The following EPM2A variants were observed in gnomAD, a reference collection of about 807,000 sequenced individuals.
The protein encoded by EPM2A is laforin.
A neutral mutation model predicts 26.5 loss-of-function variants in EPM2A; 21 were observed. The observed-to-expected ratio is 0.79, with a 90% CI of 0.56 to 1.14. The LOEUF (loss-of-function observed/expected upper bound fraction) is 1.14. EPM2A is among the 50% of genes most tolerant of loss of function. The pLI is 0.00. For missense variants in EPM2A, 458 were observed against 440.8 expected, an observed-to-expected ratio of 1.04 and a Z score of -0.35; for synonymous variants, 217 against 177.6, an observed-to-expected ratio of 1.22 and a Z score of -1.76.
intron 2 of EPM2A, chr6:145,637,224 T>TGAATATAATTA (rs1177537404): frequency 3.9e-5 from 6 of 152,214 alleles, no homozygotes; most frequent in Non-Finnish European, 8.8e-5. Flanking sequence ...TTCTTCATTG[T>TGAATATAATTA]TTCCTATATT....
intron 3 of EPM2A, among the ~76,000 whole-genome samples, chr6:145,632,606 C>G (rs1409278706): frequency 7.9e-5 from 12 of 152,174 alleles, no homozygotes; most frequent in Non-Finnish European, 1.8e-4. Flanking sequence ...ATCGATCACA[C>G]GATTGATTAT....
intron 2 of EPM2A, among the ~76,000 whole-genome samples, chr6:145,567,024 T>C (rs1214375471): frequency 6.6e-6 from 1 of 152,214 alleles, no homozygotes; most frequent in African/African-American, 2.4e-5. Flanking sequence ...CCGTCATTTA[T>C]GAGTTAACAC....
intron 4 of EPM2A, among the ~76,000 whole-genome samples, chr6:145,428,843 C>A (rs1778885974): frequency 2.0e-5 from 3 of 152,238 alleles, no homozygotes. Context: ...GAGGCAGACA[C>A]TGTATTTTCT....
At chr6:145,727,981 T>G (rs1272563419) in intron 1 of EPM2A, among the ~76,000 whole-genome samples, 1 of 152,106 alleles carries the variant, frequency 6.6e-6, no homozygotes, top group East Asian at 1.9e-4. Flanking sequence ...TCTCATGAGA[T>G]CTGGTTGTTT....
intron 2 of EPM2A, among the ~76,000 whole-genome samples, chr6:145,597,714 A>G (rs780583298): frequency 3.4e-5 from 5 of 149,168 alleles, no homozygotes; most frequent in Non-Finnish European, 7.5e-5. Flanking sequence ...TACTTTTTCC[A>G]CTCCTCTCTT....
intron 1 of EPM2A, among the ~76,000 whole-genome samples, chr6:145,703,883 C>A (rs1782069924): frequency 6.6e-6 from 1 of 152,164 alleles, no homozygotes; most frequent in Non-Finnish European, 1.5e-5. Flanking sequence ...TCATAAACAT[C>A]AAGGATTTCA....
chr6:145,441,261 G>T (rs945592904), intron 4 of EPM2A, among the ~76,000 whole-genome samples: 1 of 152,152 alleles, frequency 6.6e-6, no homozygotes, highest in African/African-American at 2.4e-5. Flanking sequence ...TTTAGTCATG[G>T]CTACAGCAGC....
chr6:145,611,766 T>C (rs1441469854), intron 2 of EPM2A, among the ~76,000 whole-genome samples: 3 of 152,128 alleles, frequency 2.0e-5, no homozygotes, highest in Non-Finnish European at 4.4e-5. Context: ...CAACAGAATA[T>C]AGGAAGAAGA....
Position 145,686,230 on chromosome 6 carries a change from C to T in EPM2A, c.368G>A (p.Cys123Tyr). ...CTCAATCCAGTGTCCTATTGGGAGA[C>T]AATACACACCATCCACCAAGTTGTT... ...NENNLVDGVY[C>Y]LPIGHWIEAT... Residue 123 changes from cysteine to tyrosine, a missense_variant, in exon 2 of 4, where the codon TGT (cysteine) becomes TAT (tyrosine). Cys to Tyr is a radical substitution (Grantham distance 194). Coordinates refer to ENST00000367519, the MANE Select transcript of EPM2A (RefSeq NM_005670.4). 1 of 1,613,700 alleles carries T rather than the reference C, an allele frequency of 6.2e-7. No individual in the cohort carries two copies. Among genetic ancestry groups the T allele is most frequent in the Admixed American group, 1.7e-5 (1 of 59,994 alleles).
intron 1 of EPM2A, among the ~76,000 whole-genome samples, chr6:145,690,081 C>T (rs1781177050): frequency 6.6e-6 from 1 of 151,974 alleles, no homozygotes; most frequent in Non-Finnish European, 1.5e-5. Flanking sequence ...AGAACTACCA[C>T]CCCACTCAGG....
intron 2 of EPM2A, chr6:145,635,957 G>A (rs1334495303): frequency 5.5e-6 from 1 of 181,338 alleles, no homozygotes; most frequent in Admixed American, 5.5e-5. Flanking sequence ...ATATGCTAAA[G>A]AACAGAAGCT....
intron 2 of EPM2A, among the ~76,000 whole-genome samples, chr6:145,525,827 T>C (rs1780263840): frequency 6.6e-6 from 1 of 152,100 alleles, no homozygotes. Context: ...TCTAATACTA[T>C]GATGAGTAGG....
intron 2 of EPM2A, among the ~76,000 whole-genome samples, chr6:145,567,674 T>C (rs1212740179): frequency 6.6e-6 from 1 of 152,226 alleles, no homozygotes; most frequent in African/African-American, 2.4e-5. Context: ...TGTGAAACTC[T>C]TTCCCCAACC....
At chr6:145,583,751 G>T (rs1405826408) in intron 2 of EPM2A, among the ~76,000 whole-genome samples, 1 of 152,270 alleles carries the variant, frequency 6.6e-6, no homozygotes, top group Non-Finnish European at 1.5e-5. Context: ...TCACAGTGGT[G>T]ATGGAATGGC....
chr6:145,662,085 C>T (rs1181084011), intron 2 of EPM2A, among the ~76,000 whole-genome samples: 1 of 152,126 alleles, frequency 6.6e-6, no homozygotes, highest in Non-Finnish European at 1.5e-5. Flanking sequence ...ACCATTTCCC[C>T]ACCTACTGTC....
In EPM2A at chr6:145,434,287, G is replaced by T. The variant is rs1377442210; in HGVS notation, c.556-50190C>A. Among the ~76,000 whole-genome samples, 12 of 147,254 alleles carry T rather than the reference G, an allele frequency of 8.1e-5. No homozygotes were observed. The East Asian group carries it at 2.0e-3, about 24-fold the overall frequency. ...CTCTCTTTTTTTTTTTTTAGACAGG[G>T]TCTCCTTCTGTCACTCTGGGTAGAG... On this transcript the variant is annotated intron_variant, in intron 4 of 4. Coordinates refer to the EPM2A transcript ENST00000638717.
intron 2 of EPM2A, among the ~76,000 whole-genome samples, chr6:145,503,452 GACAA>G: frequency 9.0e-6 from 1 of 111,436 alleles, no homozygotes; most frequent in African/African-American, 4.1e-5. Context: ...ACCAACAACA[GACAA>G]ACAGAGAGAC....
intron 4 of EPM2A, among the ~76,000 whole-genome samples, chr6:145,408,424 T>A (rs563081080): frequency 1.3e-5 from 2 of 152,120 alleles, no homozygotes; most frequent in Non-Finnish European, 2.9e-5. Context: ...CTACGCTAGG[T>A]TGAGACCAGT....
intron 4 of EPM2A, among the ~76,000 whole-genome samples, chr6:145,478,680 T>C (rs970615002): frequency 4.6e-5 from 7 of 151,870 alleles, no homozygotes; most frequent in African/African-American, 1.7e-4. Context: ...AGAAGCCTTT[T>C]CATTTCATCC....
Sources: gnomAD v4.1 joint callset for allele counts (sites outside exome capture counted in the v4.1 genomes callset) on GRCh38, gnomAD v4.1.1 for gene constraint, MANE v1.5 for transcripts, NCBI Gene and HGNC (gene_info 2026-07-23, HGNC 2026-07-21) for gene names.